PRMT9: variants seen among roughly 807,000 people sequenced by gnomAD.
PRMT9 encodes protein arginine methyltransferase 9, also known as protein arginine N-methyltransferase 9.
A neutral mutation model predicts 83.2 loss-of-function variants in PRMT9; 59 were observed. The ratio of observed to expected loss-of-function variants is 0.71; its 90% confidence interval spans 0.57 to 0.88. The LOEUF (loss-of-function observed/expected upper bound fraction) is 0.88. Among genes scored for constraint, PRMT9 ranks in the 40% least tolerant of loss-of-function variants. The probability of loss-of-function intolerance (pLI) is 0.00; values close to 1 mark genes in which losing one functional copy is unlikely to be tolerated. For missense variants in PRMT9, 947 were observed against 1,021.9 expected (o/e 0.93, Z 1.00); for synonymous variants, 333 against 353.2 (o/e 0.94, Z 0.64).
At chr4:147,681,540 C>A (rs576192849) in intron 1 of PRMT9, among the ~76,000 whole-genome samples, 13 of 151,966 alleles carry the variant, frequency 8.6e-5, no homozygotes, top group Non-Finnish European at 1.8e-4. Flanking sequence ...TAATCCCAGC[C>A]CTTTGGGAGG....
intron 9 of PRMT9, among the ~76,000 whole-genome samples, chr4:147,649,271 A>G (rs1482740369): frequency 6.6e-6 from 1 of 151,960 alleles, no homozygotes; most frequent in Admixed American, 6.6e-5. Context: ...CTCCCATGAT[A>G]ATGGCCTTAA....
rs202062787 is a variant in PRMT9 at position 147,654,282 on chromosome 4, T to C, written c.1615A>G (p.Met539Val). The C allele has an allele frequency of 4.3e-5, 70 of 1,614,218 alleles. No homozygotes were observed. Among genetic ancestry groups the C allele is most frequent in the Non-Finnish European group, 5.9e-5 (70 of 1,180,028 alleles). Reference sequence around the variant, plus strand: ...GAAGACAAAACTTTGCTCATTGCCATTTTAAAGCCTTCATGATATGGGATG... The same window carrying C: ...GAAGACAAAACTTTGCTCATTGCCACTTTAAAGCCTTCATGATATGGGATG... Reference protein sequence around the residue: ...NNIPYHEGFKMAMSKVLSSLT... With the variant: ...NNIPYHEGFKVAMSKVLSSLT... Residue 539 changes from methionine (M) to valine (V), a missense_variant, in exon 9 of 12, where the codon ATG becomes GTG. Met to Val is a conservative substitution (Grantham distance 21, BLOSUM62 1). Transcript: ENST00000322396.
Position 147,683,738 on chromosome 4 carries a change from T to A in PRMT9, c.189+61A>T, listed in dbSNP as rs1300108383. The stretch of plus-strand genomic sequence containing the variant: ...CCCTCCGCTTTTTTTTTTTTCTGTT[T>A]TTTTTTTTTTTTTTACGAGGACGTT... On this transcript the variant is annotated intron_variant, in intron 1 of 11. Transcript: ENST00000322396. 1.6e-3 allele frequency: 2,071 copies of A among 1,274,828 alleles called. 5 individuals carry two copies. Among genetic ancestry groups the A allele is most frequent in the East Asian group, 3.7e-3 (144 of 39,188 alleles). 79.0% of individuals were successfully genotyped at this position (1,274,828 alleles called of 1,614,324 possible). A position where few individuals can be genotyped will look rare whatever the true frequency, so the allele number is the denominator to read the frequency against.
At chr4:147,665,327 G>A (rs1274176266) in intron 6 of PRMT9, among the ~76,000 whole-genome samples, 1 of 151,950 alleles carries the variant, frequency 6.6e-6, no homozygotes, top group African/African-American at 2.4e-5. Context: ...CTATTAGTTG[G>A]CATTTACTGT....
chr4:147,660,947 T>C lies in PRMT9; in HGVS notation c.1045A>G (p.Ile349Val), dbSNP rs753882873. ...ATCTTTTCAGTTGTATAAGGTTCAA[T>C]TGTTTCTTCAGTATCTACAGAAGAA... ...AYSSVDTEET[I>V]EPYTTEKMSR... is the part of the protein sequence containing the mutation. The change falls in exon 7 of 12, where the codon ATT becomes GTT. Residue 349 changes from isoleucine to valine, a missense_variant. Ile to Val is a conservative substitution (Grantham distance 29, BLOSUM62 3). Coordinates refer to ENST00000322396, the MANE Select transcript of PRMT9 (RefSeq NM_138364.4). 28 of 1,612,880 alleles carry C rather than the reference T, an allele frequency of 1.7e-5. No homozygotes were observed. The highest frequency in any genetic ancestry group is 2.0e-5 in the Non-Finnish European group (24 of 1,178,946).
chr4:147,645,851 A>T (rs551880130), intron 9 of PRMT9, among the ~76,000 whole-genome samples: 1 of 152,212 alleles, frequency 6.6e-6, no homozygotes, highest in Non-Finnish European at 1.5e-5. Flanking sequence ...ACTGATAAAG[A>T]TAAGTCATGT....
At chr4:147,643,324 C>A (rs1191952402) in intron 9 of PRMT9, among the ~76,000 whole-genome samples, 2 of 151,998 alleles carry the variant, frequency 1.3e-5, no homozygotes, top group Non-Finnish European at 1.5e-5. Flanking sequence ...ATTGTATAAA[C>A]ATCAGTAACT....
chr4:147,656,700 A>G (rs1457168844), intron 8 of PRMT9, among the ~76,000 whole-genome samples: 1 of 131,954 alleles, frequency 7.6e-6, no homozygotes. Flanking sequence ...TGAACCCAAG[A>G]GGCGGAGGTT....
At chr4:147,676,020 T>C (rs1179282629) in intron 2 of PRMT9, among the ~76,000 whole-genome samples, 5 of 152,188 alleles carry the variant, frequency 3.3e-5, no homozygotes, top group African/African-American at 9.7e-5. Context: ...ACAAGAACCA[T>C]TGTAAGTCAA....
At chr4:147,664,076 G>A (rs189250108) in intron 6 of PRMT9, among the ~76,000 whole-genome samples, 220 of 152,302 alleles carry the variant, frequency 1.4e-3, no homozygotes, top group Non-Finnish European at 2.5e-3. Flanking sequence ...CACTTTAGGA[G>A]GCTAAGGCAG....
rs181285250 is a variant in PRMT9 at position 147,661,345 on chromosome 4, T to C, written c.954-307A>G. The stretch of plus-strand genomic sequence containing the variant: ...ATAACTATATTCAATAAAGGGCTCA[T>C]GTCCAAAATATATTTTAAAATTCCT... On this transcript the variant is annotated intron_variant, in intron 6 of 11. Coordinates refer to ENST00000322396, the MANE Select transcript of PRMT9 (RefSeq NM_138364.4). 3.4e-3 allele frequency: 888 copies of C among 260,708 alleles called. 4 individuals carry two copies. The highest frequency in any genetic ancestry group is 5.4e-3 in the Non-Finnish European group (769 of 142,016). The allele number at this position is 260,708 out of a possible 1,614,324, so 16.1% of individuals were successfully genotyped here. A position where few individuals can be genotyped will look rare whatever the true frequency, so the allele number is the denominator to read the frequency against.
intron 2 of PRMT9, among the ~76,000 whole-genome samples, chr4:147,679,425 G>A (rs573087621): frequency 7.3e-5 from 11 of 151,548 alleles, no homozygotes; most frequent in African/African-American, 2.7e-4. Context: ...CAACCTGAGC[G>A]ACACAGTGAC....
chr4:147,658,107 C>G, intron 7 of PRMT9, 132 bp from the exon 8 acceptor site: 1 of 656,984 alleles, frequency 1.5e-6, no homozygotes. Flanking sequence ...TCTTGGCACA[C>G]CTATAACCAT....
chr4:147,671,182 T>C (rs1344405539), intron 4 of PRMT9, among the ~76,000 whole-genome samples: 2 of 152,206 alleles, frequency 1.3e-5, no homozygotes, highest in Admixed American at 6.5e-5. Context: ...AAATGAATCC[T>C]CTTTCTCAGT....
chr4:147,656,622 AT>A (rs1440122083), intron 8 of PRMT9, among the ~76,000 whole-genome samples: 1 of 151,850 alleles, frequency 6.6e-6, no homozygotes, highest in Non-Finnish European at 1.5e-5. Flanking sequence ...AATACAAAAA[AT>A]TAGCTGGGCG....
intron 9 of PRMT9, among the ~76,000 whole-genome samples, chr4:147,647,229 T>C (rs780843550): frequency 6.2e-4 from 94 of 152,300 alleles, no homozygotes; most frequent in Admixed American, 4.0e-3. Context: ...ACAAGATGTA[T>C]AACTGCCCCA....
At chr4:147,671,806 A>T in intron 4 of PRMT9, 1 of 454,548 alleles carries the variant, frequency 2.2e-6, no homozygotes, top group Non-Finnish European at 4.4e-6. Flanking sequence ...AAAAAGGTAG[A>T]TTAAATTAAG....
intron 7 of PRMT9, among the ~76,000 whole-genome samples, chr4:147,659,579 C>CTTTTTTTTTTTT (rs33942571): frequency 9.0e-5 from 11 of 121,642 alleles, no homozygotes; most frequent in Non-Finnish European, 1.5e-4. Context: ...ACTTTCTTTT[C>CTTTTTTTTTTTT]TTTTTTTTTT....
intron 10 of PRMT9, among the ~76,000 whole-genome samples, chr4:147,642,015 C>T (rs985234108): frequency 2.0e-5 from 3 of 152,104 alleles, no homozygotes; most frequent in Admixed American, 1.3e-4. Context: ...CCCCCTTTTC[C>T]TTGAGCTCTG....
Sources: allele counts gnomAD v4.1 joint callset (sites outside exome capture counted in the v4.1 genomes callset), GRCh38; gene constraint gnomAD v4.1.1; transcripts MANE v1.5; gene names NCBI Gene and HGNC (gene_info 2026-07-23, HGNC 2026-07-21).